The following MBTPS1 variants were observed in gnomAD, a reference collection of about 807,000 sequenced individuals.
MBTPS1 encodes the protein membrane bound transcription factor peptidase, site 1.
A neutral mutation model predicts 127.8 loss-of-function variants in MBTPS1; 94 were observed. The ratio of observed to expected loss-of-function variants is 0.74; its 90% confidence interval spans 0.62 to 0.87. The LOEUF (loss-of-function observed/expected upper bound fraction) is 0.87. Ranked by LOEUF, MBTPS1 falls within the 40% of genes least tolerant of loss-of-function variation. The pLI, the probability that MBTPS1 is intolerant of heterozygous loss-of-function variation, is 0.00. For missense variants in MBTPS1, 1,636 were observed against 1,353.2 expected, an observed-to-expected ratio of 1.21 and a Z score of -3.28; for synonymous variants, 632 against 509.4, an observed-to-expected ratio of 1.24 and a Z score of -3.24.
chr16:84,058,553 G>A (rs896747087), intron 21 of MBTPS1, among the ~76,000 whole-genome samples: 2 of 152,304 alleles, frequency 1.3e-5, no homozygotes, highest in Admixed American at 6.5e-5. Flanking sequence ...CCCTTTCTCA[G>A]GAGAAGCTCC....
At chr16:84,081,366 G>A (rs551518011) in intron 11 of MBTPS1, among the ~76,000 whole-genome samples, 2 of 152,336 alleles carry the variant, frequency 1.3e-5, no homozygotes, top group East Asian at 3.9e-4. Context: ...AGTTTTAACA[G>A]CTGTACTCCA....
intron 19 of MBTPS1, among the ~76,000 whole-genome samples, chr16:84,062,003 G>A (rs1407416044): frequency 6.6e-6 from 1 of 152,068 alleles, no homozygotes; most frequent in Non-Finnish European, 1.5e-5. Context: ...ACCCTCTCAG[G>A]CATTTACAAT....
At chr16:84,083,737 G>C (rs12447608) in intron 10 of MBTPS1, among the ~76,000 whole-genome samples, 1 of 152,122 alleles carries the variant, frequency 6.6e-6, no homozygotes, top group African/African-American at 2.4e-5. Flanking sequence ...AATTAGCATA[G>C]AATAACTTCC....
intron 1 of MBTPS1, among the ~76,000 whole-genome samples, 167 bp from the exon 2 acceptor site, chr16:84,102,274 G>A (rs2086268142): frequency 6.6e-6 from 1 of 152,136 alleles, no homozygotes; most frequent in Non-Finnish European, 1.5e-5. Context: ...TTGAGCCCAG[G>A]AGTCTGAGTC....
intron 18 of MBTPS1, among the ~76,000 whole-genome samples, chr16:84,065,433 GT>G: frequency 6.6e-6 from 1 of 152,240 alleles, no homozygotes; most frequent in Non-Finnish European, 1.5e-5. Context: ...AAACCAAAAT[GT>G]CGAATGGGCA....
chr16:84,072,558 A>G (rs2085785928), intron 12 of MBTPS1, among the ~76,000 whole-genome samples: 1 of 152,160 alleles, frequency 6.6e-6, no homozygotes, highest in Non-Finnish European at 1.5e-5. Flanking sequence ...TTGGGAGGGC[A>G]AGGCGGGAGG....
intron 20 of MBTPS1, 100 bp downstream of exon 20, chr16:84,060,582 A>C (rs1567471593): frequency 7.1e-7 from 1 of 1,402,076 alleles, no homozygotes; most frequent in Non-Finnish European, 9.8e-7. Flanking sequence ...GGCGCACACA[A>C]ACTGGCCCCA....
At chr16:84,095,478 G>A in intron 4 of MBTPS1, 124 bp downstream of exon 4, 2 of 989,396 alleles carry the variant, frequency 2.0e-6, no homozygotes, top group Non-Finnish European at 3.0e-6. Flanking sequence ...GAAGGCTGCA[G>A]GGCTTTAGCA....
At chr16:84,066,754 CTGGGTT>C (rs2085689947) in intron 16 of MBTPS1, 141 bp from the exon 17 acceptor site, 1 of 838,212 alleles carries the variant, frequency 1.2e-6, no homozygotes, top group Non-Finnish European at 1.8e-6. Flanking sequence ...AACCAACTGT[CTGGGTT>C]TGGGTAAAAC....
chr16:84,063,518 T>C, intron 18 of MBTPS1, 73 bp from the exon 19 acceptor site: 7 of 1,401,504 alleles, frequency 5.0e-6, no homozygotes, highest in Non-Finnish European at 6.9e-6. Context: ...TGATATTTCA[T>C]CCACGTGACA....
intron 4 of MBTPS1, 25 bp from the exon 5 acceptor site, chr16:84,093,846 CAA>C (rs760128192): frequency 2.8e-5 from 41 of 1,450,918 alleles, no homozygotes; most frequent in Non-Finnish European, 3.9e-5. Flanking sequence ...AAAGCAAACA[CAA>C]TTATGTTTGA....
At chr16:84,072,606 A>G (rs2085786804) in intron 12 of MBTPS1, among the ~76,000 whole-genome samples, 1 of 152,156 alleles carries the variant, frequency 6.6e-6, no homozygotes, top group Non-Finnish European at 1.5e-5. Flanking sequence ...CCTGGCTAAC[A>G]TGGTGAAACC....
At chr16:84,086,073 G>C (rs76067190) in intron 9 of MBTPS1, 2 of 152,216 alleles carry the variant, frequency 1.3e-5, no homozygotes, top group African/African-American at 4.8e-5. Context: ...TCAGAAAACA[G>C]GAGCCCAATT....
rs1168337347 is a variant in MBTPS1, at chr16:84,066,472, A to G, written c.2353+17T>C. ...CTCTCACACCTAAGACCACGCCCTC[A>G]GGAAACAGAGCCTTACTGTCATGGT... is the stretch of plus-strand genomic sequence containing the variant. On this transcript the variant is annotated intron_variant, in intron 17 of 22. Transcript: ENST00000343411. 1.2e-6 allele frequency: 2 copies of G among 1,613,350 alleles called. No individual in the cohort carries two copies. The highest frequency in any genetic ancestry group is 4.5e-5 in the East Asian group (2 of 44,856).
chr16:84,114,715 G>A (rs1048390420), intron 1 of MBTPS1, among the ~76,000 whole-genome samples: 2 of 151,384 alleles, frequency 1.3e-5, no homozygotes, highest in African/African-American at 4.8e-5. Flanking sequence ...CTGCAGTCCC[G>A]GCTACTCGGG....
chr16:84,089,365 TTTA>T (rs1274060255), intron 8 of MBTPS1, among the ~76,000 whole-genome samples: 1 of 152,248 alleles, frequency 6.6e-6, no homozygotes, highest in Non-Finnish European at 1.5e-5. Context: ...GCCTAAAATA[TTTA>T]TTATCTGACC....
chr16:84,070,167 G>A (rs1045071252), intron 13 of MBTPS1, 129 bp from the exon 14 acceptor site: 4 of 773,376 alleles, frequency 5.2e-6, no homozygotes, highest in Non-Finnish European at 8.1e-6. Flanking sequence ...AATAACAAAT[G>A]TCTGATGAAA....
At chr16:84,056,228 CAAGT>C in intron 21 of MBTPS1, 93 bp from the exon 22 acceptor site, 1 of 1,082,480 alleles carries the variant, frequency 9.2e-7, no homozygotes, top group South Asian at 1.5e-5. Context: ...CAAGACAGAG[CAAGT>C]GATCTACGGG....
intron 22 of MBTPS1, among the ~76,000 whole-genome samples, chr16:84,055,398 T>C (rs899264746): frequency 6.6e-6 from 1 of 152,224 alleles, no homozygotes; most frequent in Non-Finnish European, 1.5e-5. Context: ...CAGGGGACTC[T>C]AGAGCAAAAG....
Sources: gnomAD v4.1 joint callset for allele counts (sites outside exome capture counted in the v4.1 genomes callset) on GRCh38, gnomAD v4.1.1 for gene constraint, MANE v1.5 for transcripts, NCBI Gene and HGNC (gene_info 2026-07-23, HGNC 2026-07-21) for gene names.